Variants in WDFY1 observed in about 807,000 individuals in gnomAD.
WDFY1 encodes WD repeat and FYVE domain containing 1.
Under a neutral mutation model 56.4 loss-of-function variants are expected in WDFY1, and 32 were observed. That is an observed-to-expected ratio of 0.57 (90% CI 0.43 to 0.76). The LOEUF is 0.76. WDFY1 is among the 30% of genes least tolerant of loss of function. WDFY1 has a pLI of 0.00. For missense variants in WDFY1, 480 were observed against 545.7 expected, an observed-to-expected ratio of 0.88 and a Z score of 1.20; for synonymous variants, 192 against 197.3, an observed-to-expected ratio of 0.97 and a Z score of 0.23.
At chr2:223,895,673 A>G in intron 6 of WDFY1, 43 bp from the exon 7 acceptor site, 1 of 1,607,696 alleles carries the variant, frequency 6.2e-7, no homozygotes, top group Non-Finnish European at 8.5e-7. Flanking sequence ...GGCAGGGGAG[A>G]AGTAAAATAT....
chr2:223,912,397 A>ATT, intron 2 of WDFY1, 71 bp from the exon 3 acceptor site: 10 of 604,318 alleles, frequency 1.7e-5, no homozygotes, highest in Non-Finnish European at 1.8e-5. Flanking sequence ...AGTGATTAAG[A>ATT]ACTATATGAT....
intron 4 of WDFY1, among the ~76,000 whole-genome samples, chr2:223,904,823 T>A (rs1457725218): frequency 1.3e-5 from 2 of 152,216 alleles, no homozygotes; most frequent in South Asian, 2.1e-4. Context: ...ATCCACAACT[T>A]AATCAAAATG....
intron 6 of WDFY1, among the ~76,000 whole-genome samples, chr2:223,897,049 C>T (rs1693393100): frequency 6.6e-6 from 1 of 152,052 alleles, no homozygotes; most frequent in South Asian, 2.1e-4. Context: ...TTGCTGTTCT[C>T]TTTTCTTCTT....
chr2:223,926,253 C>A (rs192178688), intron 1 of WDFY1, among the ~76,000 whole-genome samples: 2 of 151,738 alleles, frequency 1.3e-5, no homozygotes, highest in African/African-American at 4.8e-5. Context: ...CTCCAGGGAT[C>A]CTCCCACCTC....
intron 1 of WDFY1, among the ~76,000 whole-genome samples, chr2:223,932,117 CTTTTTT>C (rs35246074): frequency 4.3e-5 from 4 of 93,984 alleles, no homozygotes; most frequent in East Asian, 3.4e-4. Flanking sequence ...GTATGAGTAC[CTTTTTT>C]TTTTTTTTTT....
At chr2:223,907,865 T>C (rs1042266845) in intron 3 of WDFY1, among the ~76,000 whole-genome samples, 7 of 24,238 alleles carry the variant, frequency 2.9e-4, no homozygotes, top group East Asian at 1.8e-3. Context: ...TTTTTTTTTT[T>C]TCTCTTTCTT....
chr2:223,914,446 G>T (rs1693755855), intron 2 of WDFY1, among the ~76,000 whole-genome samples: 1 of 152,022 alleles, frequency 6.6e-6, no homozygotes, highest in Admixed American at 6.6e-5. Flanking sequence ...TTTCATTTAT[G>T]ATTGCTTGCA....
At chr2:223,898,461 G>A (rs894956057) in intron 6 of WDFY1, among the ~76,000 whole-genome samples, 21 of 152,196 alleles carry the variant, frequency 1.4e-4, no homozygotes, top group Admixed American at 9.2e-4. Flanking sequence ...GTGTAGTGCT[G>A]TAATCTCGGC....
Position 223,877,621 on chromosome 2 carries a change from T to C in WDFY1, c.*1050A>G, listed in dbSNP as rs1315437845. The C allele has an allele frequency of 6.6e-6, 1 of 152,244 alleles. No homozygotes were observed. Among genetic ancestry groups the C allele is most frequent in the Non-Finnish European group, 1.5e-5 (1 of 68,048 alleles). The allele number at this position is 152,244 out of a possible 1,614,324, so 9.4% of individuals were successfully genotyped here. A position where few individuals can be genotyped will look rare whatever the true frequency, so the allele number is the denominator to read the frequency against. ...GAATTATTGTGGAAGACTTGATGGATGATTATAGCTCTGGGTCACTAACTT... is the reference window on the plus strand; with the variant it reads ...GAATTATTGTGGAAGACTTGATGGACGATTATAGCTCTGGGTCACTAACTT... On this transcript the variant is annotated 3_prime_UTR_variant, in exon 12 of 12. Transcript: ENST00000233055.
chr2:223,896,976 T>C (rs904867082), intron 6 of WDFY1, among the ~76,000 whole-genome samples: 1 of 152,114 alleles, frequency 6.6e-6, no homozygotes, highest in African/African-American at 2.4e-5. Context: ...ATGAGAGAAT[T>C]AGTCATAAAC....
intron 8 of WDFY1, among the ~76,000 whole-genome samples, chr2:223,886,081 C>T (rs1159750813): frequency 1.3e-5 from 2 of 152,096 alleles, no homozygotes; most frequent in African/African-American, 2.4e-5. Context: ...TGGTGGCTCA[C>T]GCCTGTCATC....
intron 1 of WDFY1, among the ~76,000 whole-genome samples, chr2:223,944,017 T>C (rs979692998): frequency 6.6e-6 from 1 of 152,246 alleles, no homozygotes; most frequent in Non-Finnish European, 1.5e-5. Flanking sequence ...TGGTGAGTAA[T>C]GTTAGTTTTC....
intron 2 of WDFY1, among the ~76,000 whole-genome samples, chr2:223,914,440 A>G (rs1274022810): frequency 2.0e-5 from 3 of 152,160 alleles, no homozygotes; most frequent in Non-Finnish European, 4.4e-5. Context: ...AAACCCTTTC[A>G]TTTATGATTG....
chr2:223,898,803 T>G (rs577130578), intron 6 of WDFY1, among the ~76,000 whole-genome samples, 155 bp downstream of exon 6: 21 of 152,284 alleles, frequency 1.4e-4, no homozygotes, highest in Admixed American at 1.2e-3. Context: ...CACCCCACCT[T>G]CACTTAGTTT....
rs984580574 is a variant in WDFY1, at chr2:223,932,402, A to G, written c.137+12746T>C. The stretch of plus-strand genomic sequence containing the variant: ...CTCCCAAAGTGCTGGGATTACAGGC[A>G]TGAGCCATGGCGCCGGGTCGATTAC... On this transcript the variant is annotated intron_variant, in intron 1 of 11. Coordinates refer to ENST00000233055, the MANE Select transcript of WDFY1 (RefSeq NM_020830.5). Among the ~76,000 whole-genome samples, 7 of 152,278 alleles carry G rather than the reference A, an allele frequency of 4.6e-5. No individual in the cohort carries two copies. In the East Asian group the frequency reaches 7.7e-4, roughly 17 times the overall value.
intron 1 of WDFY1, among the ~76,000 whole-genome samples, chr2:223,944,487 G>C (rs1689369433): frequency 6.6e-6 from 1 of 152,028 alleles, no homozygotes; most frequent in Non-Finnish European, 1.5e-5. Context: ...TCCCCGGCTT[G>C]AGCAGCGCGG....
At chr2:223,898,531 C>A (rs553223100) in intron 6 of WDFY1, among the ~76,000 whole-genome samples, 1 of 152,112 alleles carries the variant, frequency 6.6e-6, no homozygotes, top group South Asian at 2.1e-4. Context: ...TTCCGAGTAG[C>A]TAGGGGTGGA....
At position 223,895,642 on chromosome 2, in the gene WDFY1, T is replaced by A; in HGVS notation, c.599-12A>T. On this transcript the variant is annotated splice_polypyrimidine_tract_variant and intron_variant, in intron 6 of 11. Transcript: ENST00000233055. ...GCAGGCGACACTACCTAGGGATTTG[T>A]GAGAGAGAGAGAGAGAGGGAGGCAG... 1 of 1,567,218 alleles carries A rather than the reference T, an allele frequency of 6.4e-7. No individual in the cohort carries two copies.
At chr2:223,936,698 T>C (rs1368489091) in intron 1 of WDFY1, among the ~76,000 whole-genome samples, 1 of 152,154 alleles carries the variant, frequency 6.6e-6, no homozygotes, top group Non-Finnish European at 1.5e-5. Flanking sequence ...ATTCCCTAAC[T>C]CCTAAGAATG....
Sources: gnomAD v4.1 joint callset for allele counts (sites outside exome capture counted in the v4.1 genomes callset) on GRCh38, gnomAD v4.1.1 for gene constraint, MANE v1.5 for transcripts, NCBI Gene and HGNC (gene_info 2026-07-23, HGNC 2026-07-21) for gene names.